EIPR1: variants seen among roughly 807,000 people sequenced by gnomAD.
EIPR1 encodes EARP and GARP complex-interacting protein 1.
Under a neutral mutation model 48.1 loss-of-function variants are expected in EIPR1, and 25 were observed. The observed-to-expected ratio is 0.52, with a 90% confidence interval of 0.38 to 0.73. The LOEUF (loss-of-function observed/expected upper bound fraction) is 0.73. Among genes scored for constraint, EIPR1 ranks in the 30% least tolerant of loss-of-function variants. The pLI, the probability that EIPR1 is intolerant of heterozygous loss-of-function variation, is 0.00. For missense variants in EIPR1, 415 were observed against 506.2 expected (o/e 0.82, Z 1.73); for synonymous variants, 204 against 201.9 (o/e 1.01, Z -0.09).
chr2:3,274,274 T>C (rs1018502114), intron 3 of EIPR1: 5 of 1,521,902 alleles, frequency 3.3e-6, no homozygotes, highest in Non-Finnish European at 4.4e-6. Context: ...TAATTAAAAA[T>C]ATATCCACTC....
chr2:3,273,273 T>C (rs760116392), intron 3 of EIPR1, among the ~76,000 whole-genome samples: 71 of 152,204 alleles, frequency 4.7e-4, no homozygotes, highest in Admixed American at 2.6e-4. Context: ...AGAATACGAC[T>C]GGGAGCAAAT....
intron 1 of EIPR1, among the ~76,000 whole-genome samples, chr2:3,365,631 C>A (rs1438166792): frequency 6.8e-6 from 1 of 147,920 alleles, no homozygotes; most frequent in Non-Finnish European, 1.5e-5. Flanking sequence ...GAGGACCCTG[C>A]GGCCTTCCGC....
intron 1 of EIPR1, among the ~76,000 whole-genome samples, chr2:3,374,815 AG>A (rs1206089557): frequency 1.4e-5 from 2 of 147,522 alleles, no homozygotes; most frequent in Non-Finnish European, 3.0e-5. Context: ...TGTGGAAGTC[AG>A]TGTGGCGATT....
Position 3,359,274 on chromosome 2 carries a change from A to G in EIPR1, c.43-4641T>C, listed in dbSNP as rs145341861. ...AAATAAGTAAATTGTATCAGTGGCT[A>G]CTATACTGAAAAATGAAGGGCAAGT... is the stretch of plus-strand genomic sequence containing the variant. On this transcript the variant is annotated intron_variant, in intron 1 of 8. Coordinates refer to ENST00000382125, the MANE Select transcript of EIPR1 (RefSeq NM_003310.5). 1.9e-3 allele frequency among the ~76,000 whole-genome samples: 285 copies of G among 152,354 alleles called. 2 individuals are homozygous for G. Among genetic ancestry groups the G allele is most frequent in the African/African-American group, 6.7e-3 (277 of 41,582 alleles).
chr2:3,224,869 A>C (rs903535197), intron 4 of EIPR1, among the ~76,000 whole-genome samples: 1 of 152,164 alleles, frequency 6.6e-6, no homozygotes, highest in Non-Finnish European at 1.5e-5. Flanking sequence ...AGGGCTGCCT[A>C]AGAGTTCATG....
intron 3 of EIPR1, among the ~76,000 whole-genome samples, chr2:3,307,475 A>G (rs931491156): frequency 2.0e-5 from 3 of 152,200 alleles, no homozygotes; most frequent in Non-Finnish European, 2.9e-5. Context: ...AAGCAGGCCT[A>G]TGGAGACTGT....
At chr2:3,278,208 G>A (rs1667914964) in intron 3 of EIPR1, among the ~76,000 whole-genome samples, 1 of 152,162 alleles carries the variant, frequency 6.6e-6, no homozygotes, top group South Asian at 2.1e-4. Context: ...CGAGAGGAGG[G>A]GGAGACGCAG....
At chr2:3,305,540 C>G (rs796183190) in intron 3 of EIPR1, among the ~76,000 whole-genome samples, 24 of 152,300 alleles carry the variant, frequency 1.6e-4, no homozygotes, top group African/African-American at 5.1e-4. Context: ...CCAGTTCAAC[C>G]CTCCACTGCC....
chr2:3,358,279 C>T (rs1426784781), intron 1 of EIPR1, among the ~76,000 whole-genome samples: 3 of 152,214 alleles, frequency 2.0e-5, no homozygotes, highest in Non-Finnish European at 2.9e-5. Context: ...TAGAGCAAAA[C>T]AAGGACATCT....
At chr2:3,345,340 G>A (rs1670366909) in intron 2 of EIPR1, among the ~76,000 whole-genome samples, 2 of 152,276 alleles carry the variant, frequency 1.3e-5, no homozygotes, top group South Asian at 4.1e-4. Context: ...AGGTGCAGTG[G>A]CTCACACCTA....
intron 3 of EIPR1, among the ~76,000 whole-genome samples, chr2:3,314,878 A>C (rs1007128524): frequency 6.6e-6 from 1 of 151,596 alleles, no homozygotes; most frequent in African/African-American, 2.4e-5. Flanking sequence ...CTGCCTGGTG[A>C]CCTGCCGCTC....
intron 5 of EIPR1, among the ~76,000 whole-genome samples, chr2:3,204,387 C>A (rs2103120207): frequency 6.6e-6 from 1 of 152,338 alleles, no homozygotes; most frequent in South Asian, 2.1e-4. Context: ...ATTTCACCAT[C>A]AATTTCTGAG....
At chr2:3,327,671 G>A (rs1427144238) in intron 3 of EIPR1, among the ~76,000 whole-genome samples, 1 of 152,118 alleles carries the variant, frequency 6.6e-6, no homozygotes, top group Non-Finnish European at 1.5e-5. Context: ...AAATATGATA[G>A]AAGATAATCA....
chr2:3,229,999 T>G (rs1666190547), intron 4 of EIPR1, among the ~76,000 whole-genome samples: 1 of 152,182 alleles, frequency 6.6e-6, no homozygotes, highest in African/African-American at 2.4e-5. Flanking sequence ...ACACTATCTT[T>G]ACATCACATA....
chr2:3,199,983 C>T (rs967587953), intron 5 of EIPR1, among the ~76,000 whole-genome samples: 6 of 125,932 alleles, frequency 4.8e-5, no homozygotes, highest in East Asian at 2.5e-4. Flanking sequence ...GTAGAGGTGA[C>T]GGGTGTGTCT....
At chr2:3,197,111 A>G (rs1664839712) in intron 5 of EIPR1, 94 bp from the exon 6 acceptor site, 1 of 1,348,038 alleles carries the variant, frequency 7.4e-7, no homozygotes, top group Admixed American at 2.4e-5. Flanking sequence ...ATACTCAAGG[A>G]TATTATTGAA....
At chr2:3,241,626 G>A (rs1354305207) in intron 4 of EIPR1, among the ~76,000 whole-genome samples, 1 of 152,090 alleles carries the variant, frequency 6.6e-6, no homozygotes, top group African/African-American at 2.4e-5. Context: ...CACTGAATTG[G>A]AGAGGACATA....
At chr2:3,353,911 C>T (rs1383967463) in intron 2 of EIPR1, among the ~76,000 whole-genome samples, 2 of 152,180 alleles carry the variant, frequency 1.3e-5, no homozygotes, top group African/African-American at 4.8e-5. Context: ...CGCACATTTT[C>T]CCAGTGTCAA....
intron 4 of EIPR1, among the ~76,000 whole-genome samples, chr2:3,219,544 T>C (rs949199659): frequency 5.3e-5 from 8 of 151,182 alleles, no homozygotes. Flanking sequence ...AACACGGCCC[T>C]GGTATGCTCT....
Sources: gnomAD v4.1 joint callset for allele counts (sites outside exome capture counted in the v4.1 genomes callset) on GRCh38, gnomAD v4.1.1 for gene constraint, MANE v1.5 for transcripts, NCBI Gene and HGNC (gene_info 2026-07-23, HGNC 2026-07-21) for gene names.